LRRC4C: variants seen among roughly 807,000 people sequenced by gnomAD.
LRRC4C encodes leucine rich repeat containing 4C.
A neutral mutation model predicts 33.6 loss-of-function variants in LRRC4C; 5 were observed. That is an observed-to-expected ratio of 0.15 (90% CI 0.08 to 0.31). The LOEUF is 0.31. Among genes scored for constraint, LRRC4C ranks in the 10% least tolerant of loss-of-function variants. LRRC4C has a pLI of 1.00. For synonymous variants in LRRC4C, 329 were observed against 302.0 expected (o/e 1.09, Z -0.93); for missense variants, 560 against 796.7 (o/e 0.70, Z 3.58).
chr11:41,153,110 A>G (rs1944070117), intron 1 of LRRC4C, among the ~76,000 whole-genome samples: 1 of 152,064 alleles, frequency 6.6e-6, no homozygotes, highest in Admixed American at 6.6e-5. Flanking sequence ...CATCTTTCTC[A>G]TGCTGCTCCA....
At chr11:41,271,826 T>C (rs1256595841) in intron 1 of LRRC4C, among the ~76,000 whole-genome samples, 1 of 152,096 alleles carries the variant, frequency 6.6e-6, no homozygotes, top group Non-Finnish European at 1.5e-5. Flanking sequence ...AGCATCATCA[T>C]GTCTCAAAGG....
chr11:40,494,869 C>T (rs1021664315), intron 3 of LRRC4C, among the ~76,000 whole-genome samples: 2 of 152,176 alleles, frequency 1.3e-5, no homozygotes, highest in African/African-American at 4.8e-5. Flanking sequence ...AATTTGCAAT[C>T]AGACTGTTTG....
At chr11:40,269,924 T>C (rs1052212773) in intron 4 of LRRC4C, among the ~76,000 whole-genome samples, 3 of 152,110 alleles carry the variant, frequency 2.0e-5, no homozygotes, top group African/African-American at 7.2e-5. Flanking sequence ...TCTATTTCTA[T>C]TGGAATAAAT....
chr11:41,157,263 A>T (rs1312525477), intron 1 of LRRC4C, among the ~76,000 whole-genome samples: 1 of 152,134 alleles, frequency 6.6e-6, no homozygotes, highest in East Asian at 1.9e-4. Flanking sequence ...ATAAGGCAGG[A>T]TGCATGATAG....
intron 1 of LRRC4C, among the ~76,000 whole-genome samples, chr11:41,249,961 C>G (rs192620930): frequency 1.3e-5 from 2 of 151,502 alleles, no homozygotes; most frequent in African/African-American, 4.9e-5. Flanking sequence ...GTCAGGAGTT[C>G]GAGACCAACC....
intron 1 of LRRC4C, among the ~76,000 whole-genome samples, chr11:41,235,157 G>A (rs114695178): frequency 6.6e-6 from 1 of 152,002 alleles, no homozygotes; most frequent in African/African-American, 2.4e-5. Context: ...GAATGGGGTA[G>A]GTGGGTCAAT....
At chr11:40,458,040 A>G (rs553864860) in intron 3 of LRRC4C, among the ~76,000 whole-genome samples, 4 of 152,150 alleles carry the variant, frequency 2.6e-5, no homozygotes, top group Non-Finnish European at 5.9e-5. Context: ...GGTTTGTGCA[A>G]CTTCCAGGAA....
At chr11:40,660,810 G>A (rs1495314) in intron 2 of LRRC4C, among the ~76,000 whole-genome samples, 95,860 of 151,984 alleles carry the variant, frequency 0.63, 30,367 homozygotes, top group East Asian at 0.71. Context: ...TATTCTCACC[G>A]TGTGAATGTG....
rs575264042 is a variant in LRRC4C at position 40,849,801 on chromosome 11, A to G, written c.-407+83834T>C. ...TCAAACATAGGTTTGATCATTTTAC[A>G]TAATCCCATATTTCTTGGAGGCTTT... On this transcript the variant is annotated intron_variant, in intron 2 of 6. Coordinates refer to ENST00000528697, the MANE Select transcript of LRRC4C (RefSeq NM_001258419.2). Among the ~76,000 whole-genome samples, 237 of 152,038 alleles carry G rather than the reference A, an allele frequency of 1.6e-3. 2 individuals carry two copies. Among genetic ancestry groups the G allele is most frequent in the African/African-American group, 5.5e-3 (228 of 41,484 alleles).
At chr11:40,540,299 G>A (rs1956652605) in intron 3 of LRRC4C, among the ~76,000 whole-genome samples, 1 of 152,106 alleles carries the variant, frequency 6.6e-6, no homozygotes, top group African/African-American at 2.4e-5. Context: ...ACAATCAGAA[G>A]GAAACCCTTT....
intron 1 of LRRC4C, among the ~76,000 whole-genome samples, chr11:40,956,989 G>A (rs1021229634): frequency 2.0e-5 from 3 of 151,752 alleles, no homozygotes; most frequent in Non-Finnish European, 4.4e-5. Context: ...TTTAATGAAA[G>A]CAATGTTTAG....
intron 5 of LRRC4C, among the ~76,000 whole-genome samples, chr11:40,225,415 C>T (rs975026527): frequency 6.6e-6 from 1 of 152,120 alleles, no homozygotes; most frequent in African/African-American, 2.4e-5. Context: ...TTGGTCTCAC[C>T]TTTTCAAACG....
intron 2 of LRRC4C, among the ~76,000 whole-genome samples, chr11:40,912,259 T>C (rs1178516131): frequency 1.3e-5 from 2 of 151,804 alleles, no homozygotes; most frequent in African/African-American, 2.4e-5. Flanking sequence ...TTTACCAAAG[T>C]TGAAATGAAG....
chr11:40,463,030 T>C (rs1304169010), intron 3 of LRRC4C, among the ~76,000 whole-genome samples: 1 of 152,070 alleles, frequency 6.6e-6, no homozygotes, highest in African/African-American at 2.4e-5. Flanking sequence ...CTACGATTCA[T>C]TCTCTGCTGG....
chr11:40,375,468 A>G (rs1948621273), intron 3 of LRRC4C, among the ~76,000 whole-genome samples: 1 of 152,162 alleles, frequency 6.6e-6, no homozygotes, highest in Admixed American at 6.6e-5. Context: ...TGAGCTTAAT[A>G]ACTTAGTTTT....
rs987208214 is a variant in LRRC4C at position 40,339,099 on chromosome 11, G to A, written c.-269-19378C>T. On this transcript the variant is annotated intron_variant, in intron 3 of 6. Coordinates refer to ENST00000528697, the MANE Select transcript of LRRC4C (RefSeq NM_001258419.2). Reference sequence around the variant, plus strand: ...GCCCAAGTGTGACAGGTAGTGTTTCGGCACACTGGATTTCTCGCAGGAACA... The same window carrying A: ...GCCCAAGTGTGACAGGTAGTGTTTCAGCACACTGGATTTCTCGCAGGAACA... Among the ~76,000 whole-genome samples the A allele has an allele frequency of 4.6e-5, 7 of 152,092 alleles. No homozygotes were observed. The South Asian group carries it at 6.2e-4, about 14-fold the overall frequency.
intron 6 of LRRC4C, among the ~76,000 whole-genome samples, chr11:40,119,727 G>C (rs977859038): frequency 5.9e-5 from 9 of 152,020 alleles, no homozygotes; most frequent in African/African-American, 2.2e-4. Flanking sequence ...TGATCCTAGA[G>C]AGGCTACCCT....
At chr11:40,754,263 A>G (rs1042479652) in intron 2 of LRRC4C, among the ~76,000 whole-genome samples, 1 of 152,116 alleles carries the variant, frequency 6.6e-6, no homozygotes, top group Admixed American at 6.6e-5. Flanking sequence ...TGCTTCTGGT[A>G]TATTTCACTA....
intron 1 of LRRC4C, among the ~76,000 whole-genome samples, chr11:41,073,781 A>T (rs1938897146): frequency 6.6e-6 from 1 of 152,132 alleles, no homozygotes; most frequent in African/African-American, 2.4e-5. Flanking sequence ...AAATTACATC[A>T]ATTTTTTGTT....
Sources: gnomAD v4.1 joint callset for allele counts (sites outside exome capture counted in the v4.1 genomes callset) on GRCh38, gnomAD v4.1.1 for gene constraint, MANE v1.5 for transcripts, NCBI Gene and HGNC (gene_info 2026-07-23, HGNC 2026-07-21) for gene names.